Variants in ARHGDIB observed in about 807,000 individuals in gnomAD.
The protein encoded by ARHGDIB is Rho GDP dissociation inhibitor beta.
ARHGDIB carries 20 observed loss-of-function variants against 22.6 expected under a neutral mutation model. That is an observed-to-expected ratio of 0.88 (90% CI 0.62 to 1.28). The LOEUF (loss-of-function observed/expected upper bound fraction) is 1.28, where lower values mean the gene tolerates loss of function less well. Ranked by LOEUF, ARHGDIB falls within the 50% of genes most tolerant of loss-of-function variation. ARHGDIB has a pLI of 0.00. For synonymous variants in ARHGDIB, 114 were observed against 96.1 expected, an observed-to-expected ratio of 1.19 and a Z score of -1.09; for missense variants, 254 against 245.4, an observed-to-expected ratio of 1.04 and a Z score of -0.23.
chr12:14,949,123 T>C (rs1449237732), intron 3 of ARHGDIB, among the ~76,000 whole-genome samples: 1 of 152,142 alleles, frequency 6.6e-6, no homozygotes, highest in Non-Finnish European at 1.5e-5. Context: ...AAAACTTGCC[T>C]TTGAAGGCCC....
rs1863892207 is a variant in ARHGDIB, at chr12:14,942,592, G to C, written c.536C>G (p.Thr179Ser). ...RGTYHNKSFF[T>S]DDDKQDHLSW... ...GAGGTGGTCTTGCTTGTCATCGTCG[G>C]TGAAGAAGGACTTGTTGTGGTACGT... Residue 179 changes from threonine (T) to serine (S), a missense_variant, in exon 6 of 6, where the codon ACC becomes AGC. Physicochemically the swap from Thr to Ser is moderately conservative, Grantham distance 58. Coordinates refer to ENST00000228945, the MANE Select transcript of ARHGDIB (RefSeq NM_001175.7). The C allele has an allele frequency of 1.2e-6, 2 of 1,614,174 alleles. No individual in the cohort carries two copies. The highest frequency in any genetic ancestry group is 1.7e-6 in the Non-Finnish European group (2 of 1,180,030).
intron 1 of ARHGDIB, among the ~76,000 whole-genome samples, chr12:14,958,035 C>T (rs1468944242): frequency 6.6e-6 from 1 of 152,200 alleles, no homozygotes; most frequent in Admixed American, 6.5e-5. Flanking sequence ...GTCTGACTTC[C>T]CCCAAATCGG....
intron 1 of ARHGDIB, among the ~76,000 whole-genome samples, chr12:14,959,779 T>C (rs1352379433): frequency 1.3e-5 from 2 of 152,188 alleles, no homozygotes; most frequent in African/African-American, 4.8e-5. Context: ...AGTCGAGGCC[T>C]GAAAAATGCT....
intron 5 of ARHGDIB, 72 bp from the exon 6 acceptor site, chr12:14,942,793 C>A (rs1318644710): frequency 3.0e-6 from 4 of 1,342,632 alleles, no homozygotes; most frequent in Admixed American, 1.8e-5. Flanking sequence ...ACTGGAGAAT[C>A]TGGACTACAG....
At chr12:14,950,066 A>C (rs74829704) in intron 2 of ARHGDIB, among the ~76,000 whole-genome samples, 181 bp from the exon 3 acceptor site, 1 of 152,156 alleles carries the variant, frequency 6.6e-6, no homozygotes, top group African/African-American at 2.4e-5. Flanking sequence ...ATTACAGCAA[A>C]GTTATTTCTG....
chr12:14,943,799 T>C (rs1308476971), intron 5 of ARHGDIB, among the ~76,000 whole-genome samples: 2 of 152,214 alleles, frequency 1.3e-5, no homozygotes, highest in Non-Finnish European at 2.9e-5. Context: ...ATAGGTGGCA[T>C]ATAGTTGGCT....
chr12:14,952,525 G>C (rs1284034057), intron 1 of ARHGDIB, among the ~76,000 whole-genome samples: 1 of 152,170 alleles, frequency 6.6e-6, no homozygotes, highest in Admixed American at 6.5e-5. Context: ...AATAAACATA[G>C]TGACTAATGC....
chr12:14,948,053 A>T (rs973042514), intron 3 of ARHGDIB, 104 bp from the exon 4 acceptor site: 19 of 809,654 alleles, frequency 2.3e-5, no homozygotes, highest in Non-Finnish European at 3.6e-5. Context: ...CGAGGGCAAC[A>T]TGGTTCACAG....
At chr12:14,951,928 T>A (rs1198849900) in intron 1 of ARHGDIB, among the ~76,000 whole-genome samples, 1 of 151,824 alleles carries the variant, frequency 6.6e-6, no homozygotes, top group Non-Finnish European at 1.5e-5. Flanking sequence ...GAGGAAGAAG[T>A]CCCTCTGGGA....
chr12:14,961,364 C>T (rs941835617), intron 1 of ARHGDIB, 173 bp downstream of exon 1: 4 of 152,380 alleles, frequency 2.6e-5, no homozygotes, highest in African/African-American at 9.6e-5. Flanking sequence ...CCTCCTCTAA[C>T]TTCCCCTTCT....
In ARHGDIB at chr12:14,947,958, G is replaced by A. The variant is rs1430945993; in HGVS notation, c.266-9C>T. 1 of 1,601,270 alleles carries A rather than the reference G, an allele frequency of 6.2e-7. No individual in the cohort carries two copies. Among genetic ancestry groups the A allele is most frequent in the African/African-American group, 1.3e-5 (1 of 74,630 alleles). ...GAGGGCTTCCAGATCTCCTGTAGAA[G>A]AAGATTTAGAGAGAGTTTATCCTCA... On this transcript the variant is annotated splice_polypyrimidine_tract_variant and intron_variant, in intron 3 of 5. Transcript: ENST00000228945.
chr12:14,948,332 C>A (rs1190419282), intron 3 of ARHGDIB, among the ~76,000 whole-genome samples: 4 of 152,016 alleles, frequency 2.6e-5, no homozygotes, highest in Non-Finnish European at 4.4e-5. Flanking sequence ...AGAATATGCC[C>A]CTTACCCCTC....
At position 14,942,149 on chromosome 12, in the gene ARHGDIB, G is replaced by T. The variant is rs1411442216; in HGVS notation, c.*373C>A. ...CATTGGGCCAGCAACAACCACAAAAGAATCTAGGCATTAGAATGAACTACT... is the reference window on the plus strand; with the variant it reads ...CATTGGGCCAGCAACAACCACAAAATAATCTAGGCATTAGAATGAACTACT... On this transcript the variant is annotated 3_prime_UTR_variant, in exon 6 of 6. Coordinates refer to ENST00000228945, the MANE Select transcript of ARHGDIB (RefSeq NM_001175.7). 5 of 228,828 alleles carry T rather than the reference G, an allele frequency of 2.2e-5. No homozygotes were observed. The highest frequency in any genetic ancestry group is 6.5e-5 in the South Asian group (1 of 15,296). 14.2% of individuals were successfully genotyped at this position (228,828 alleles called of 1,614,324 possible). A position where few individuals can be genotyped will look rare whatever the true frequency, so the allele number is the denominator to read the frequency against.
chr12:14,948,051 A>G, intron 3 of ARHGDIB, 102 bp from the exon 4 acceptor site: 2 of 818,886 alleles, frequency 2.4e-6, no homozygotes, highest in Non-Finnish European at 4.2e-6. Flanking sequence ...CACGAGGGCA[A>G]CATGGTTCAC....
chr12:14,946,455 G>A (rs1478737574), intron 4 of ARHGDIB, among the ~76,000 whole-genome samples: 2 of 152,212 alleles, frequency 1.3e-5, no homozygotes, highest in Non-Finnish European at 2.9e-5. Context: ...GAAGATTTAA[G>A]TTGTTTTTCA....
chr12:14,955,873 T>G (rs1224143929), intron 1 of ARHGDIB, among the ~76,000 whole-genome samples: 1 of 152,234 alleles, frequency 6.6e-6, no homozygotes, highest in South Asian at 2.1e-4. Context: ...CTGATTTTCC[T>G]ATTGATAATA....
rs1439358001 is a variant in ARHGDIB, at chr12:14,944,417, A to G, written c.406+359T>C. 2.7e-5 allele frequency among the ~76,000 whole-genome samples: 4 copies of G among 150,344 alleles called. No individual in the cohort carries two copies. In the East Asian group the frequency reaches 7.9e-4, roughly 30 times the overall value. On this transcript the variant is annotated intron_variant, in intron 5 of 5. Coordinates refer to ENST00000228945, the MANE Select transcript of ARHGDIB (RefSeq NM_001175.7). Reference sequence around the variant, plus strand: ...GTTTTTTCTTTCTTGGTTTTCTCTGACACTTGGGTTTTGTACCTGTGAACT... The same window carrying G: ...GTTTTTTCTTTCTTGGTTTTCTCTGGCACTTGGGTTTTGTACCTGTGAACT...
At position 14,950,700 on chromosome 12, in the gene ARHGDIB, C is replaced by A. The variant is rs1308937328; in HGVS notation, c.13G>T (p.Ala5Ser). The A allele has an allele frequency of 5.0e-6, 8 of 1,607,160 alleles. No individual in the cohort carries two copies. The highest frequency in any genetic ancestry group is 6.8e-6 in the Non-Finnish European group (8 of 1,177,728). The part of the protein sequence containing the change: MTEK[A>S]PEPHVEEDDD... ...TCCTCCTCCACATGTGGCTCTGGGG[C>A]TTTTTCAGTCATTCTGATCTATTTC... is the stretch of plus-strand genomic sequence containing the variant. Residue 5 changes from alanine to serine, a missense_variant, in exon 2 of 6, where the codon GCC becomes TCC. Transcript: ENST00000228945.
chr12:14,954,122 G>A (rs114697545), intron 1 of ARHGDIB, among the ~76,000 whole-genome samples: 2,363 of 152,196 alleles, frequency 0.016, 51 homozygotes, highest in African/African-American at 0.052. Context: ...GGGACTACGG[G>A]CACATGCCAC....
Sources: allele counts gnomAD v4.1 joint callset (sites outside exome capture counted in the v4.1 genomes callset), GRCh38; gene constraint gnomAD v4.1.1; transcripts MANE v1.5; gene names NCBI Gene and HGNC (gene_info 2026-07-23, HGNC 2026-07-21).